Variants in ATG7 observed in about 807,000 individuals in gnomAD.
ATG7 encodes autophagy related 7, also known as ubiquitin-like modifier-activating enzyme ATG7.
Under a neutral mutation model 82.4 loss-of-function variants are expected in ATG7, and 70 were observed. The ratio of observed to expected loss-of-function variants is 0.85; its 90% CI spans 0.70 to 1.04. The LOEUF (loss-of-function observed/expected upper bound fraction) is 1.04, where lower values mean the gene tolerates loss of function less well. ATG7 is among the 50% of genes least tolerant of loss of function. The pLI is 0.00. For synonymous variants in ATG7, 287 were observed against 313.0 expected, an observed-to-expected ratio of 0.92 and a Z score of 0.88; for missense variants, 792 against 864.3, an observed-to-expected ratio of 0.92 and a Z score of 1.05.
intron 13 of ATG7, 83 bp downstream of exon 13, chr3:11,342,362 C>G: frequency 2.0e-6 from 3 of 1,466,522 alleles, no homozygotes; most frequent in Non-Finnish European, 1.8e-6. Flanking sequence ...TGCCTTCCAT[C>G]TCCCAGCTCC....
intron 20 of ATG7, among the ~76,000 whole-genome samples, chr3:11,518,726 A>C (rs999794404): frequency 1.3e-5 from 2 of 152,208 alleles, no homozygotes; most frequent in Admixed American, 1.3e-4. Flanking sequence ...CCCATACCCA[A>C]ATTGATAATC....
chr3:11,492,212 G>A (rs1160311402), intron 20 of ATG7, among the ~76,000 whole-genome samples: 2 of 152,222 alleles, frequency 1.3e-5, no homozygotes, highest in African/African-American at 2.4e-5. Flanking sequence ...TAGGGTGGGA[G>A]TGACCCGATT....
At chr3:11,545,282 G>T (rs2071179066) in intron 20 of ATG7, among the ~76,000 whole-genome samples, 1 of 152,144 alleles carries the variant, frequency 6.6e-6, no homozygotes, top group Non-Finnish European at 1.5e-5. Context: ...AAAGATGATG[G>T]GATTGTTTTT....
At chr3:11,498,652 C>G (rs1224313936) in intron 20 of ATG7, among the ~76,000 whole-genome samples, 1 of 152,210 alleles carries the variant, frequency 6.6e-6, no homozygotes, top group Non-Finnish European at 1.5e-5. Context: ...ACTGGTGAGG[C>G]CAGGTGTCCT....
At chr3:11,563,978 C>T in the ATG7 span, among the ~76,000 whole-genome samples, 1 of 152,194 alleles carries the variant, frequency 6.6e-6, no homozygotes, top group African/African-American at 2.4e-5. Flanking sequence ...CACAGGGACA[C>T]AGAGGCTCTT....
At chr3:11,443,786 T>TC (rs540151118) in intron 20 of ATG7, among the ~76,000 whole-genome samples, 5 of 152,126 alleles carry the variant, frequency 3.3e-5, no homozygotes, top group East Asian at 3.9e-4. Flanking sequence ...CAAGAAAATT[T>TC]CCCCCCCTGC....
intron 19 of ATG7, among the ~76,000 whole-genome samples, chr3:11,406,454 T>G (rs2080348886): frequency 1.3e-5 from 2 of 152,114 alleles, no homozygotes; most frequent in South Asian, 4.1e-4. Flanking sequence ...TACAAGCACC[T>G]GCTACTGTGC....
chr3:11,371,834 C>T (rs187699881), intron 18 of ATG7, among the ~76,000 whole-genome samples: 10 of 151,352 alleles, frequency 6.6e-5, no homozygotes, highest in South Asian at 4.2e-4. Flanking sequence ...CCCTTGGCAC[C>T]TTGTTCCCAG....
chr3:11,457,612 T>C (rs917720467), intron 20 of ATG7, among the ~76,000 whole-genome samples: 1 of 152,116 alleles, frequency 6.6e-6, no homozygotes, highest in Non-Finnish European at 1.5e-5. Flanking sequence ...TTCCGGAACA[T>C]ACATTAAGAA....
At chr3:11,344,467 A>G (rs138409801) in intron 13 of ATG7, among the ~76,000 whole-genome samples, 71 of 152,370 alleles carry the variant, frequency 4.7e-4, no homozygotes, top group African/African-American at 1.6e-3. Context: ...GTTTATCAAG[A>G]CAAAGTATTC....
At chr3:11,359,378 A>T (rs114094834) in intron 15 of ATG7, among the ~76,000 whole-genome samples, 5,883 of 152,214 alleles carry the variant, frequency 0.039, 127 homozygotes, top group Middle Eastern at 0.058. Context: ...GAACTATGAA[A>T]AGTTGTTATA....
chr3:11,352,384 G>A (rs1457946672), intron 14 of ATG7, among the ~76,000 whole-genome samples: 2 of 152,154 alleles, frequency 1.3e-5, no homozygotes, highest in Non-Finnish European at 2.9e-5. Flanking sequence ...GGATGGTTGG[G>A]TCAAATAGTA....
At chr3:11,345,829 T>C (rs1034683602) in intron 13 of ATG7, among the ~76,000 whole-genome samples, 5 of 152,210 alleles carry the variant, frequency 3.3e-5, no homozygotes, top group African/African-American at 1.2e-4. Context: ...TCTAGAATTT[T>C]TAGATGCTTA....
intron 19 of ATG7, among the ~76,000 whole-genome samples, chr3:11,395,506 G>T (rs993694317): frequency 1.3e-5 from 2 of 152,140 alleles, no homozygotes; most frequent in African/African-American, 4.8e-5. Context: ...ATGGGGAAAA[G>T]ACATTAACTT....
At chr3:11,554,751 T>C (rs2072236898) in intron 20 of ATG7, 60 bp from the exon 21 acceptor site, 1 of 1,598,560 alleles carries the variant, frequency 6.3e-7, no homozygotes, top group East Asian at 2.3e-5. Flanking sequence ...TTGAAGCATC[T>C]GTGTGCCCCC....
At chr3:11,553,693 A>G (rs2616535) in intron 20 of ATG7, among the ~76,000 whole-genome samples, 128,001 of 152,152 alleles carry the variant, frequency 0.84, 54,022 homozygotes, top group East Asian at 1. Flanking sequence ...GTCCCCTCCC[A>G]AGAGCTCAGA....
intron 13 of ATG7, among the ~76,000 whole-genome samples, chr3:11,344,405 T>C (rs1575587941): frequency 6.6e-6 from 1 of 152,230 alleles, no homozygotes; most frequent in East Asian, 1.9e-4. Context: ...TTAAAGAAGC[T>C]GATTTCTGTT....
At chr3:11,299,545 C>A (rs770032673) in intron 5 of ATG7, 129 bp downstream of exon 5, 2 of 882,258 alleles carry the variant, frequency 2.3e-6, no homozygotes, top group South Asian at 1.4e-5. Flanking sequence ...AGTCAGCCCC[C>A]CTCATGATTC....
At chr3:11,442,054 C>G (rs144847975) in intron 20 of ATG7, among the ~76,000 whole-genome samples, 1 of 152,276 alleles carries the variant, frequency 6.6e-6, no homozygotes, top group Non-Finnish European at 1.5e-5. Context: ...TCACCTGCTT[C>G]GACTTCACAA....
Sources: gnomAD v4.1 joint callset for allele counts (sites outside exome capture counted in the v4.1 genomes callset) on GRCh38, gnomAD v4.1.1 for gene constraint, MANE v1.5 for transcripts, NCBI Gene and HGNC (gene_info 2026-07-23, HGNC 2026-07-21) for gene names.